VWF: variants seen among roughly 807,000 people sequenced by gnomAD.
The protein encoded by VWF is Factor VIII related antigen.
Under a neutral mutation model 308.6 loss-of-function variants are expected in VWF, and 176 were observed. The observed-to-expected ratio is 0.57, with a 90% confidence interval of 0.50 to 0.65. The LOEUF (loss-of-function observed/expected upper bound fraction) is 0.65, where lower values mean the gene tolerates loss of function less well. Among genes scored for constraint, VWF ranks in the 30% least tolerant of loss-of-function variants. The pLI is 0.00. For synonymous variants in VWF, 1,385 were observed against 1,443.4 expected (o/e 0.96, Z 0.92); for missense variants, 3,146 against 3,648.2 (o/e 0.86, Z 3.55).
rs61750096 is a variant in VWF at position 6,018,919 on chromosome 12, G to A, written c.4499C>T (p.Ala1500Val). ...PKRNSMVLDV[A>V]FVLEGSDKIG... ...TTTGTCCGATCCTTCCAGGACGAAC[G>A]CCACATCCAGAACCATGGAGTTCCT... Residue 1500 changes from alanine to valine, a missense_variant, in exon 28 of 52, where the codon GCG (alanine) becomes GTG (valine). Physicochemically the swap from Ala to Val is moderately conservative, Grantham distance 64. Around this residue, in one of 3 missense-constraint regions of VWF, gnomAD observed 853 missense variants for 1,177.8 expected, o/e 0.72. Coordinates refer to ENST00000261405, the MANE Select transcript of VWF (RefSeq NM_000552.5). The A allele has an allele frequency of 4.8e-5, 78 of 1,613,916 alleles. No homozygotes were observed. In the East Asian group the frequency reaches 1.4e-3, roughly 28 times the overall value.
At chr12:5,950,559 C>T (rs932162558) in intron 50 of VWF, among the ~76,000 whole-genome samples, 2 of 152,044 alleles carry the variant, frequency 1.3e-5, no homozygotes, top group Non-Finnish European at 2.9e-5. Context: ...CCTTAGATGG[C>T]TCGAAATCTA....
chr12:6,035,060 AAAG>A (rs1273500388), intron 19 of VWF, among the ~76,000 whole-genome samples: 1 of 152,186 alleles, frequency 6.6e-6, no homozygotes, highest in Non-Finnish European at 1.5e-5. Flanking sequence ...AAACTGAGGC[AAAG>A]AAGGGAAGGG....
chr12:5,954,956 C>T (rs1223713959), intron 47 of VWF, among the ~76,000 whole-genome samples: 1 of 152,140 alleles, frequency 6.6e-6, no homozygotes, highest in Non-Finnish European at 1.5e-5. Flanking sequence ...TAGACCTTCC[C>T]TAATGTAGTT....
chr12:6,029,957 A>G (rs557930723), intron 21 of VWF, among the ~76,000 whole-genome samples: 1 of 152,230 alleles, frequency 6.6e-6, no homozygotes, highest in East Asian at 1.9e-4. Flanking sequence ...AGCCACTGTC[A>G]TCAGGAGACA....
chr12:6,087,422 G>A (rs1430799344), intron 6 of VWF, among the ~76,000 whole-genome samples: 2 of 144,818 alleles, frequency 1.4e-5, no homozygotes, highest in African/African-American at 5.2e-5. Context: ...GCAGTGGTGC[G>A]ATCTCGGCTC....
intron 9 of VWF, 25 bp from the exon 10 acceptor site, chr12:6,071,368 C>T: frequency 6.2e-7 from 1 of 1,613,978 alleles, no homozygotes; most frequent in Non-Finnish European, 8.5e-7. Context: ...AAGCACAGGT[C>T]ATTGGTGGTT....
intron 24 of VWF, among the ~76,000 whole-genome samples, chr12:6,025,133 C>A (rs1268095469): frequency 6.6e-6 from 1 of 151,910 alleles, no homozygotes; most frequent in East Asian, 1.9e-4. Context: ...TCAAAATCAC[C>A]AAAATTAAGG....
At chr12:5,993,771 ATT>A (rs1943771982) in intron 37 of VWF, 89 bp downstream of exon 37, 1 of 1,207,752 alleles carries the variant, frequency 8.3e-7, no homozygotes, top group Non-Finnish European at 1.2e-6. Flanking sequence ...TTTCATCCTT[ATT>A]AGCCAGATAA....
intron 20 of VWF, among the ~76,000 whole-genome samples, chr12:6,032,511 G>A (rs1237109201): frequency 2.0e-5 from 3 of 149,716 alleles, no homozygotes; most frequent in Admixed American, 6.7e-5. Context: ...GGTGGCGGGC[G>A]CCTGTAGTCC....
intron 5 of VWF, among the ~76,000 whole-genome samples, chr12:6,099,009 A>G (rs971508153): frequency 1.4e-5 from 2 of 147,758 alleles, no homozygotes; most frequent in African/African-American, 5.3e-5. Flanking sequence ...AAAGTTCACA[A>G]GAAAAAAAAT....
rs61750618 is a variant in VWF, at chr12:5,994,027, G to C, written c.6433C>G (p.Pro2145Ala). ...DSSHCQVLLL[P>A]LFAECHKVLA... ...ACCTTGTGGCATTCAGCAAACAGTG[G>C]TAAGAGGAGGACCTGGCAGTGGGAG... Residue 2145 changes from proline (P) to alanine (A), a missense_variant, in exon 37 of 52, where the codon CCA (proline) becomes GCA (alanine). Pro to Ala is a conservative substitution (Grantham distance 27). This residue lies in a region of VWF where 989 missense variants were observed against 1,117.4 expected (regional missense o/e 0.89). Coordinates refer to ENST00000261405, the MANE Select transcript of VWF (RefSeq NM_000552.5). 8 of 1,614,188 alleles carry C rather than the reference G, an allele frequency of 5.0e-6. No individual in the cohort carries two copies. The Admixed American group carries it at 6.7e-5, about 13-fold the overall frequency.
At chr12:6,111,018 T>C (rs1945302876) in intron 3 of VWF, 50 bp from the exon 4 acceptor site, 2 of 1,475,266 alleles carry the variant, frequency 1.4e-6, no homozygotes, top group South Asian at 2.3e-5. Flanking sequence ...TCTCAAAAAA[T>C]GAATACATTG....
At chr12:6,012,050 C>T in intron 33 of VWF, 37 bp downstream of exon 33, 1 of 1,612,212 alleles carries the variant, frequency 6.2e-7, no homozygotes, top group Non-Finnish European at 8.5e-7. Flanking sequence ...AAACACATCT[C>T]TAACCTTTCT....
chr12:6,087,096 G>A (rs141566354), intron 6 of VWF, among the ~76,000 whole-genome samples: 1 of 152,142 alleles, frequency 6.6e-6, no homozygotes, highest in Admixed American at 6.5e-5. Context: ...TCAGAGACCA[G>A]TGGAAAACAG....
chr12:5,972,539 G>A (rs1326098341), intron 43 of VWF, among the ~76,000 whole-genome samples: 2 of 152,208 alleles, frequency 1.3e-5, no homozygotes, highest in African/African-American at 4.8e-5. Flanking sequence ...ATGGCAGCCT[G>A]CTCTGCTCCC....
At chr12:6,045,443 C>A (rs1323725443) in intron 17 of VWF, among the ~76,000 whole-genome samples, 1 of 152,214 alleles carries the variant, frequency 6.6e-6, no homozygotes, top group Non-Finnish European at 1.5e-5. Flanking sequence ...CTAGAAGATT[C>A]TGAGCAGAAG....
chr12:6,064,101 A>C, intron 12 of VWF, 145 bp downstream of exon 12: 1 of 1,344,528 alleles, frequency 7.4e-7, no homozygotes, highest in Non-Finnish European at 1.0e-6. Context: ...CAAGCACCCC[A>C]CCCTGCCCTC....
chr12:6,079,859 A>G (rs180956190), intron 6 of VWF, among the ~76,000 whole-genome samples: 147 of 152,252 alleles, frequency 9.7e-4, no homozygotes, highest in Middle Eastern at 6.8e-3. Context: ...CTCAGCCTTC[A>G]TGATCTGACC....
chr12:6,091,618 A>G (rs1342869747), intron 6 of VWF, among the ~76,000 whole-genome samples: 1 of 152,136 alleles, frequency 6.6e-6, no homozygotes, highest in African/African-American at 2.4e-5. Flanking sequence ...ATTGTAGCTC[A>G]CTGCAGCCTC....
Sources: gnomAD v4.1 joint callset for allele counts (sites outside exome capture counted in the v4.1 genomes callset) on GRCh38, gnomAD v4.1.1 for gene constraint, gnomAD v4.1.1 regional missense constraint, MANE v1.5 for transcripts, NCBI Gene and HGNC (gene_info 2026-07-23, HGNC 2026-07-21) for gene names.